Variants in YLPM1 observed in about 807,000 individuals in gnomAD.
YLPM1 encodes the protein YLP motif containing 1.
In YLPM1, 99 loss-of-function variants were observed where a neutral mutation model predicts 230.0. The ratio of observed to expected loss-of-function variants is 0.43; its 90% CI spans 0.37 to 0.51. YLPM1 has a LOEUF of 0.51. Ranked by LOEUF, YLPM1 falls within the 20% of genes least tolerant of loss-of-function variation. YLPM1 has a pLI of 0.00. For missense variants in YLPM1, 2,592 were observed against 2,707.7 expected (o/e 0.96, Z 0.95); for synonymous variants, 984 against 942.5 (o/e 1.04, Z -0.81).
At chr14:74,788,850 A>G (rs1219852167) in intron 4 of YLPM1, among the ~76,000 whole-genome samples, 1 of 152,178 alleles carries the variant, frequency 6.6e-6, no homozygotes, top group Non-Finnish European at 1.5e-5. Context: ...AAAAAGAAAG[A>G]AAAGAAACCG....
In YLPM1 at chr14:74,798,182, CAG is replaced by C. The variant is rs1475197121; in HGVS notation, c.2886_2887del (p.Gly964AspfsTer16). On this transcript the variant is annotated frameshift_variant, in exon 5 of 21. Coordinates refer to ENST00000325680, the MANE Select transcript of YLPM1 (RefSeq NM_019589.3). LOFTEE classifies it high-confidence loss of function. ...GCTCAATCTACTTTTCCTTCAAAAA[CAG>C]GGGGGATGGAGGGAGGAACAGCAGT... The C allele has an allele frequency of 8.1e-6, 13 of 1,613,934 alleles. No individual in the cohort carries two copies. Among genetic ancestry groups the C allele is most frequent in the East Asian group, 2.2e-5 (1 of 44,872 alleles).
chr14:74,796,764 T>C (rs2091265177), intron 4 of YLPM1, among the ~76,000 whole-genome samples: 1 of 151,706 alleles, frequency 6.6e-6, no homozygotes, highest in Non-Finnish European at 1.5e-5. Flanking sequence ...TTTTTTTTTT[T>C]TTAACTTTTG....
At chr14:74,794,239 G>A (rs2091236215) in intron 4 of YLPM1, among the ~76,000 whole-genome samples, 2 of 151,998 alleles carry the variant, frequency 1.3e-5, no homozygotes, top group Admixed American at 6.6e-5. Flanking sequence ...CTGGAGTGCA[G>A]TGGCACCACC....
intron 16 of YLPM1, among the ~76,000 whole-genome samples, chr14:74,820,151 T>C (rs932010201): frequency 2.0e-5 from 3 of 152,260 alleles, no homozygotes; most frequent in Admixed American, 1.3e-4. Context: ...ATCCAAAATA[T>C]TGTTCGTCCA....
Position 74,798,770 on chromosome 14 carries a change from G to A in YLPM1, c.3473G>A (p.Gly1158Glu). 1 of 1,613,910 alleles carries A rather than the reference G, an allele frequency of 6.2e-7. No homozygotes were observed. Among genetic ancestry groups the A allele is most frequent in the Non-Finnish European group, 8.5e-7 (1 of 1,179,864 alleles). Residue 1158 changes from glycine (G) to glutamate (E), a missense_variant, in exon 5 of 21, where the codon GGA becomes GAA. By Grantham distance (98) the Gly-to-Glu change is moderately conservative. Around this residue, in one of 4 missense-constraint regions of YLPM1, gnomAD observed 1,862 missense variants for 1,819.8 expected, o/e 1.02. Transcript: ENST00000325680. ...CCTGGCAGTCGAGAAAGGGGACTGG[G>A]AAGATCAGATTTTGGTCGTGATAGA... ...RGPGSRERGL[G>E]RSDFGRDRGP...
intron 1 of YLPM1, among the ~76,000 whole-genome samples, chr14:74,775,188 C>T (rs771987866): frequency 6.6e-6 from 1 of 152,110 alleles, no homozygotes; most frequent in Non-Finnish European, 1.5e-5. Context: ...GAACAAGTTT[C>T]AGGTAATAGT....
At position 74,780,499 on chromosome 14, in the gene YLPM1, A is replaced by G. The variant is rs1358874086; in HGVS notation, c.1205A>G (p.Tyr402Cys). The G allele has an allele frequency of 1.9e-6, 3 of 1,613,920 alleles. No homozygotes were observed. Among genetic ancestry groups the G allele is most frequent in the East Asian group, 2.2e-5 (1 of 44,896 alleles). The stretch of plus-strand genomic sequence containing the variant: ...CAGCAGCATCGAGTCGGTTTCCAGT[A>G]TCAGGGAATAATGCAGAAGCACACT... ...QHQQHRVGFQ[Y>C]QGIMQKHTQL... The change falls in exon 3 of 21, where the codon TAT (tyrosine) becomes TGT (cysteine). Residue 402 changes from tyrosine to cysteine, a missense_variant. This residue lies in a region of YLPM1 where 1,862 missense variants were observed against 1,819.8 expected (regional missense o/e 1.02). Coordinates refer to ENST00000325680, the MANE Select transcript of YLPM1 (RefSeq NM_019589.3).
At position 74,809,380 on chromosome 14, in the gene YLPM1, C is replaced by T; in HGVS notation, c.4522C>T (p.Pro1508Ser). Residue 1508 changes from proline to serine, a missense_variant and splice_region_variant, in exon 7 of 21, where the codon CCT becomes TCT. By Grantham distance (74) the Pro-to-Ser change is moderately conservative (BLOSUM62 -1). Transcript: ENST00000325680. ...NTSSRPGMYP[P>S]PGSYRPPPPM... Reference sequence around the variant, plus strand: ...CTAAGCTATTTATTCTGTTCTCTAGCCTCCAGGGTCGTATAGACCTCCCCC... The same window carrying T: ...CTAAGCTATTTATTCTGTTCTCTAGTCTCCAGGGTCGTATAGACCTCCCCC... 1.2e-6 allele frequency: 2 copies of T among 1,603,930 alleles called. No individual in the cohort carries two copies. The highest frequency in any genetic ancestry group is 1.7e-6 in the Non-Finnish European group (2 of 1,175,646).
intron 17 of YLPM1, chr14:74,822,018 A>G (rs1011615424): frequency 6.6e-6 from 1 of 152,214 alleles, no homozygotes; most frequent in Non-Finnish European, 1.5e-5. Context: ...TGTGTGATAT[A>G]GAGGACTCTT....
At chr14:74,826,805 G>A (rs2091566545) in intron 18 of YLPM1, among the ~76,000 whole-genome samples, 1 of 152,232 alleles carries the variant, frequency 6.6e-6, no homozygotes, top group African/African-American at 2.4e-5. Flanking sequence ...TAATGCAAGG[G>A]CAGGTTGTTA....
In YLPM1 at chr14:74,814,361, T is replaced by TA. The variant is rs946313690; in HGVS notation, c.5502+1587dup. On this transcript the variant is annotated intron_variant, in intron 11 of 20. Transcript: ENST00000325680. ...GGGCGACAGAGCGAGACTCCGTCTTTAAAAAAAAGAAGAATGATATTAGCT... is the reference window on the plus strand; with the variant it reads ...GGGCGACAGAGCGAGACTCCGTCTTTAAAAAAAAAGAAGAATGATATTAGCT... Among the ~76,000 whole-genome samples, 5 of 152,000 alleles carry TA rather than the reference T, an allele frequency of 3.3e-5. No individual in the cohort carries two copies. The East Asian group carries it at 5.8e-4, about 18-fold the overall frequency.
intron 1 of YLPM1, among the ~76,000 whole-genome samples, chr14:74,766,594 C>G (rs1010996789): frequency 4.0e-5 from 6 of 151,748 alleles, no homozygotes; most frequent in African/African-American, 1.5e-4. Context: ...TCAAGCCATC[C>G]CAAGTAGCTG....
chr14:74,773,080 GA>G (rs1479978426), intron 1 of YLPM1, among the ~76,000 whole-genome samples: 14 of 152,108 alleles, frequency 9.2e-5, no homozygotes, highest in Non-Finnish European at 1.5e-5. Flanking sequence ...AAGGTCAGGA[GA>G]TCGAGACCAT....
At chr14:74,778,416 T>A (rs1056753876) in intron 1 of YLPM1, 31 bp from the exon 2 acceptor site, 1 of 1,552,388 alleles carries the variant, frequency 6.4e-7, no homozygotes, top group African/African-American at 1.4e-5. Flanking sequence ...TGATTGTCAA[T>A]CAAAATTCTC....
chr14:74,809,446 G>T lies in YLPM1; in HGVS notation c.4588G>T (p.Ala1530Ser). ...ACCAGGTTCAATTGTAAGACCCTCTGCTCCACCAGCAAGATCATCTGTTCC... is the reference window on the plus strand; with the variant it reads ...ACCAGGTTCAATTGTAAGACCCTCTTCTCCACCAGCAAGATCATCTGTTCC... ...KPPGSIVRPSAPPARSSVPVT... is the reference protein window; with the variant it reads ...KPPGSIVRPSSPPARSSVPVT... Residue 1530 changes from alanine (A) to serine (S), a missense_variant, in exon 7 of 21, where the codon GCT becomes TCT. Coordinates refer to ENST00000325680, the MANE Select transcript of YLPM1 (RefSeq NM_019589.3). 3 of 1,602,576 alleles carry T rather than the reference G, an allele frequency of 1.9e-6. No individual in the cohort carries two copies. The highest frequency in any genetic ancestry group is 2.6e-6 in the Non-Finnish European group (3 of 1,173,904).
In YLPM1 at chr14:74,799,610, C is replaced by G. The variant is rs2091305517; in HGVS notation, c.4313C>G (p.Ser1438Cys). ...ATGGGGTCCGATGCAAGCTTAGACT[C>G]TGACCAAGGCCTTGGAGGGGTAATG... ...EMMGSDASLD[S>C]DQGLGGVMVL... is the part of the protein sequence containing the mutation. The change falls in exon 5 of 21, where the codon TCT (serine) becomes TGT (cysteine). Residue 1438 changes from serine (S) to cysteine (C), a missense_variant. By Grantham distance (112) the Ser-to-Cys change is moderately radical. Transcript: ENST00000325680. 22 of 1,613,956 alleles carry G rather than the reference C, an allele frequency of 1.4e-5. No individual in the cohort carries two copies. The highest frequency in any genetic ancestry group is 1.9e-5 in the Non-Finnish European group (22 of 1,179,876).
intron 4 of YLPM1, among the ~76,000 whole-genome samples, 159 bp downstream of exon 4, chr14:74,782,484 A>C (rs2091106042): frequency 6.6e-6 from 1 of 152,180 alleles, no homozygotes; most frequent in Non-Finnish European, 1.5e-5. Context: ...GTAATCTAGA[A>C]AAGGTAACAT....
chr14:74,821,045 T>A lies in YLPM1; in HGVS notation c.6031-12T>A. On this transcript the variant is annotated splice_polypyrimidine_tract_variant and intron_variant, in intron 16 of 20. Coordinates refer to ENST00000325680, the MANE Select transcript of YLPM1 (RefSeq NM_019589.3). ...ACTCAGTCTTTTTTTTTTTTTTTAA[T>A]GGTTGGTATAGGTAGAGATGGAAGA... is the stretch of plus-strand genomic sequence containing the variant. The A allele has an allele frequency of 6.9e-7, 1 of 1,439,328 alleles. No homozygotes were observed. Among genetic ancestry groups the A allele is most frequent in the Non-Finnish European group, 9.1e-7 (1 of 1,095,158 alleles). The allele number at this position is 1,439,328 out of a possible 1,614,324, so 89.2% of individuals were successfully genotyped here.
chr14:74,781,449 A>T lies in YLPM1; in HGVS notation c.1406A>T (p.Tyr469Phe), dbSNP rs45550132. The change falls in exon 4 of 21, where the codon TAT becomes TTT. Residue 469 changes from tyrosine to phenylalanine, a missense_variant. Coordinates refer to ENST00000325680, the MANE Select transcript of YLPM1 (RefSeq NM_019589.3). ...CTATGGGAGGAACAACTCCATTCCT[A>T]TCCTCATAAAGATCAGCTTCAGGAG... ...FQLWEEQLHS[Y>F]PHKDQLQEYE... 3.1e-5 allele frequency: 50 copies of T among 1,612,162 alleles called. No individual in the cohort carries two copies. The highest frequency in any genetic ancestry group is 3.8e-5 in the Non-Finnish European group (45 of 1,179,064).
Sources: allele counts gnomAD v4.1 joint callset (sites outside exome capture counted in the v4.1 genomes callset), GRCh38; gene constraint gnomAD v4.1.1; regional missense constraint gnomAD v4.1.1; transcripts MANE v1.5; gene names NCBI Gene and HGNC (gene_info 2026-07-23, HGNC 2026-07-21).